Variants in USH2A observed in about 807,000 individuals in gnomAD.
USH2A encodes the protein Usher syndrome 2A (autosomal recessive, mild).
In USH2A, 443 loss-of-function variants were observed where a neutral mutation model predicts 538.9. That is an observed-to-expected ratio of 0.82 (90% CI 0.76 to 0.89). The LOEUF (loss-of-function observed/expected upper bound fraction) is 0.89, where lower values mean the gene tolerates loss of function less well. Ranked by LOEUF, USH2A falls within the 40% of genes least tolerant of loss-of-function variation. USH2A has a pLI of 0.00. For synonymous variants in USH2A, 2,413 were observed against 2,273.5 expected (o/e 1.06, Z -1.75); for missense variants, 6,633 against 6,324.8 (o/e 1.05, Z -1.65).
chr1:215,680,234 C>G lies in USH2A; in HGVS notation c.12209G>C (p.Arg4070Thr), dbSNP rs774135315. ...QTLESSPSGL[R>T]NFIVEQKENG... The stretch of plus-strand genomic sequence containing the variant: ...CTCTTTCTGTTCTACTATAAAGTTT[C>G]TCAGTCCACTTGGGGAAGATTCTAA... The change falls in exon 62 of 72, where the codon AGA becomes ACA. Residue 4070 changes from arginine (R) to threonine (T), a missense_variant. Coordinates refer to ENST00000307340, the MANE Select transcript of USH2A (RefSeq NM_206933.4). 2 of 1,614,016 alleles carry G rather than the reference C, an allele frequency of 1.2e-6. No individual in the cohort carries two copies. Among genetic ancestry groups the G allele is most frequent in the Non-Finnish European group, 1.7e-6 (2 of 1,180,014 alleles).
chr1:215,802,728 C>T (rs1174172558), intron 49 of USH2A, among the ~76,000 whole-genome samples: 4 of 152,026 alleles, frequency 2.6e-5, no homozygotes, highest in African/African-American at 9.7e-5. Context: ...CATAGAATTA[C>T]CATATGATCC....
At chr1:215,723,022 G>A (rs753458891) in intron 61 of USH2A, among the ~76,000 whole-genome samples, 17 of 152,122 alleles carry the variant, frequency 1.1e-4, no homozygotes, top group Non-Finnish European at 2.4e-4. Flanking sequence ...TGCATGCCAA[G>A]CAAGGCTAAA....
intron 4 of USH2A, among the ~76,000 whole-genome samples, chr1:216,336,231 A>G (rs1227919633): frequency 3.3e-5 from 5 of 151,492 alleles, no homozygotes; most frequent in African/African-American, 1.2e-4. Flanking sequence ...TTAAAAAGCA[A>G]CTAACTATTA....
Position 215,845,854 on chromosome 1 carries a change from C to T in USH2A, c.9025G>A (p.Ala3009Thr). The change falls in exon 45 of 72, where the codon GCA becomes ACA. Residue 3009 changes from alanine to threonine, a missense_variant. Coordinates refer to ENST00000307340, the MANE Select transcript of USH2A (RefSeq NM_206933.4). ...TCGCAAGTGGTTGCATGAAGTCCTG[C>T]ACTGTTGATGCTGTGGACTCCATTG... ...VFNGVHSINS[A>T]GLHATTCDGE... The T allele has an allele frequency of 6.2e-7, 1 of 1,613,872 alleles. No homozygotes were observed. The highest frequency in any genetic ancestry group is 8.5e-7 in the Non-Finnish European group (1 of 1,179,876).
intron 36 of USH2A, among the ~76,000 whole-genome samples, chr1:215,966,115 A>G (rs1012811633): frequency 1.3e-5 from 2 of 152,204 alleles, no homozygotes; most frequent in African/African-American, 4.8e-5. Flanking sequence ...TCACAAAAAA[A>G]TATTGATTGT....
At chr1:216,342,732 C>T (rs988825017) in intron 4 of USH2A, among the ~76,000 whole-genome samples, 1 of 152,086 alleles carries the variant, frequency 6.6e-6, no homozygotes. Context: ...CAAACTAACA[C>T]AGAAACAGAA....
chr1:215,779,457 A>T (rs543431863), intron 55 of USH2A, among the ~76,000 whole-genome samples: 1 of 152,196 alleles, frequency 6.6e-6, no homozygotes, highest in Non-Finnish European at 1.5e-5. Flanking sequence ...TGATAGACAA[A>T]TGTTAACCTC....
At chr1:215,769,302 T>C (rs968900450) in intron 55 of USH2A, among the ~76,000 whole-genome samples, 2 of 152,146 alleles carry the variant, frequency 1.3e-5, no homozygotes, top group Non-Finnish European at 2.9e-5. Context: ...ATTTCAGACA[T>C]GCAGTGACTG....
At chr1:215,929,412 G>A (rs764262579) in intron 38 of USH2A, among the ~76,000 whole-genome samples, 31 of 151,988 alleles carry the variant, frequency 2.0e-4, no homozygotes, top group Non-Finnish European at 3.1e-4. Flanking sequence ...CATCTAATAT[G>A]CATCACAACC....
At position 216,215,563 on chromosome 1, in the gene USH2A, C is replaced by A. The variant is rs72731394; in HGVS notation, c.3157+1824G>T. ...TCCATCACTCTAGCTATGTTTTGAC[C>A]TCCTCTGAAGGCAGGAAAGTTGTCT... On this transcript the variant is annotated intron_variant, in intron 15 of 71. Coordinates refer to ENST00000307340, the MANE Select transcript of USH2A (RefSeq NM_206933.4). Among the ~76,000 whole-genome samples the A allele has an allele frequency of 9.3e-3, 1,412 of 152,140 alleles. 13 individuals carry two copies. Among genetic ancestry groups the A allele is most frequent in the Non-Finnish European group, 0.016 (1,102 of 67,984 alleles).
intron 30 of USH2A, among the ~76,000 whole-genome samples, chr1:216,053,454 CTTT>C (rs34981846): frequency 5.7e-4 from 63 of 111,174 alleles, no homozygotes; most frequent in African/African-American, 1.9e-3. Flanking sequence ...CCAGAGAAGT[CTTT>C]TTTTTTTTTT....
rs575532325 is a variant in USH2A at position 215,988,945 on chromosome 1, T to C, written c.6805+4075A>G. ...TTAAAGCATTGGTTAAGGATTACCA[T>C]CAGACTTTCACGAGTAGGAGATGAT... On this transcript the variant is annotated intron_variant, in intron 35 of 71. Transcript: ENST00000307340. Among the ~76,000 whole-genome samples, 366 of 152,304 alleles carry C rather than the reference T, an allele frequency of 2.4e-3. 2 individuals carry two copies. The highest frequency in any genetic ancestry group is 4.2e-3 in the Non-Finnish European group (287 of 68,018).
intron 21 of USH2A, among the ~76,000 whole-genome samples, chr1:216,129,803 A>G (rs1286945661): frequency 2.0e-5 from 3 of 152,136 alleles, no homozygotes; most frequent in Non-Finnish European, 4.4e-5. Context: ...CCTGACTTCA[A>G]ATTATACTAC....
At chr1:215,836,565 A>AATATATATATATATATATAT (rs1663536970) in intron 47 of USH2A, among the ~76,000 whole-genome samples, 1 of 32,868 alleles carries the variant, frequency 3.0e-5, no homozygotes, top group Non-Finnish European at 5.8e-5. Context: ...ATATATATAT[A>AATATATATATATATATATAT]TTTTTTTTTG....
At chr1:216,139,905 T>C (rs553004791) in intron 21 of USH2A, among the ~76,000 whole-genome samples, 50 of 152,312 alleles carry the variant, frequency 3.3e-4, no homozygotes, top group African/African-American at 1.1e-3. Flanking sequence ...ATAGGAATTG[T>C]TTTTCTTTTG....
chr1:216,326,898 A>G (rs905291074), intron 5 of USH2A, among the ~76,000 whole-genome samples: 3 of 152,176 alleles, frequency 2.0e-5, no homozygotes, highest in African/African-American at 7.2e-5. Context: ...ACAACAATAT[A>G]CTATTATACC....
intron 11 of USH2A, among the ~76,000 whole-genome samples, chr1:216,280,534 A>T (rs2036754142): frequency 6.6e-6 from 1 of 152,166 alleles, no homozygotes; most frequent in South Asian, 2.1e-4. Flanking sequence ...CATGTTAGTT[A>T]TTCCTCAATA....
chr1:216,209,946 A>G (rs1231307940), intron 15 of USH2A, among the ~76,000 whole-genome samples: 1 of 152,128 alleles, frequency 6.6e-6, no homozygotes, highest in Non-Finnish European at 1.5e-5. Flanking sequence ...AACTAAAAAT[A>G]TACTCTAATG....
chr1:216,193,811 C>A (rs1207616041), intron 19 of USH2A, among the ~76,000 whole-genome samples: 3 of 151,982 alleles, frequency 2.0e-5, no homozygotes, highest in Non-Finnish European at 2.9e-5. Flanking sequence ...TGTACTAACA[C>A]CTAAATTTCC....
Sources: allele counts gnomAD v4.1 joint callset (sites outside exome capture counted in the v4.1 genomes callset), GRCh38; gene constraint gnomAD v4.1.1; transcripts MANE v1.5; gene names NCBI Gene and HGNC (gene_info 2026-07-23, HGNC 2026-07-21).